Variants in SLC6A9 observed in about 807,000 individuals in gnomAD.
The protein encoded by SLC6A9 is sodium- and chloride-dependent glycine transporter 1.
Under a neutral mutation model 70.9 loss-of-function variants are expected in SLC6A9, and 31 were observed. The observed-to-expected ratio is 0.44, with a 90% CI of 0.33 to 0.59. The LOEUF (loss-of-function observed/expected upper bound fraction) is 0.59. SLC6A9 is among the 20% of genes least tolerant of loss of function. SLC6A9 has a pLI of 0.04. For synonymous variants in SLC6A9, 310 were observed against 341.3 expected, an observed-to-expected ratio of 0.91 and a Z score of 1.01; for missense variants, 631 against 845.2, an observed-to-expected ratio of 0.75 and a Z score of 3.14.
intron 2 of SLC6A9, 96 bp downstream of exon 2, chr1:44,024,152 G>A: frequency 7.7e-7 from 1 of 1,295,426 alleles, no homozygotes; most frequent in South Asian, 1.2e-5. Context: ...CCCTGGCAGT[G>A]CCGGCCTTCC....
intron 2 of SLC6A9, 124 bp from the exon 3 acceptor site, chr1:44,011,006 T>C (rs1452810854): frequency 2.0e-6 from 2 of 992,330 alleles, no homozygotes; most frequent in Non-Finnish European, 3.0e-6. Flanking sequence ...TCCCCTCTGC[T>C]GGCAGGAGCT....
Position 44,008,415 on chromosome 1 carries a change from G to T in SLC6A9, c.528C>A (p.Ser176Arg), listed in dbSNP as rs139332952. Residue 176 changes from serine to arginine, a missense_variant, in exon 5 of 14, where the codon AGC becomes AGA. By Grantham distance (110) the Ser-to-Arg change is moderately radical. Transcript: ENST00000372310. ...TNGSRPAALP[S>R]NLSHLLNHSL... ...TGTGGTTGAGCAGGTGGGAGAGGTT[G>T]CTGGGCAAGGCGGCTGGCCGAGAGC... is the stretch of plus-strand genomic sequence containing the variant. The T allele has an allele frequency of 3.7e-6, 6 of 1,614,024 alleles. No individual in the cohort carries two copies. In the African/African-American group the frequency reaches 8.0e-5, roughly 22 times the overall value.
At chr1:44,014,197 C>T (rs1005969182) in intron 2 of SLC6A9, among the ~76,000 whole-genome samples, 1 of 152,082 alleles carries the variant, frequency 6.6e-6, no homozygotes, top group Non-Finnish European at 1.5e-5. Flanking sequence ...TAAACCATAG[C>T]GGCATGGTTC....
In SLC6A9 at chr1:43,997,559, C is replaced by A. The variant is rs779611274; in HGVS notation, c.1888G>T (p.Asp630Tyr). 1.9e-6 allele frequency: 3 copies of A among 1,613,470 alleles called. No individual in the cohort carries two copies. Among genetic ancestry groups the A allele is most frequent in the Non-Finnish European group, 8.5e-7 (1 of 1,179,936 alleles). The part of the protein sequence containing the change: ...VGSNGSSRLQ[D>Y]SRI ...GGCAGCTGTGCTCATATCCGGGAGT[C>A]CTGGAGGCGGCTGGAGCCATTACTG... The change falls in exon 14 of 14, where the codon GAC becomes TAC. Residue 630 changes from aspartate (D) to tyrosine (Y), a missense_variant. Coordinates refer to ENST00000372310, the MANE Select transcript of SLC6A9 (RefSeq NM_001024845.3). This position sits in a 1 kb window ranked among gnomAD's most constrained non-coding sequence, Gnocchi z 4.4.
At chr1:44,008,069 C>T (rs1056689121) in intron 5 of SLC6A9, among the ~76,000 whole-genome samples, 4 of 152,186 alleles carry the variant, frequency 2.6e-5, no homozygotes, top group East Asian at 3.9e-4. Context: ...AGGGTTTCAC[C>T]GTGTTAGCCA....
intron 2 of SLC6A9, chr1:44,017,368 AACACACACACACAC>A (rs3038812): frequency 2.5e-4 from 211 of 828,372 alleles, no homozygotes; most frequent in African/African-American, 1.8e-3. Flanking sequence ...TAACTGGAAC[AACACACACACACAC>A]ACACACACAC....
intron 2 of SLC6A9, among the ~76,000 whole-genome samples, chr1:44,016,190 AG>A (rs1484577890): frequency 6.6e-6 from 1 of 152,196 alleles, no homozygotes; most frequent in Non-Finnish European, 1.5e-5. Context: ...AGACAAGCCC[AG>A]GAGGGAAGAC....
In SLC6A9 at chr1:44,024,274, C is replaced by A; in HGVS notation, c.4G>T (p.Val2Leu). MVGKGAKGMLNG... is the reference protein window; with the variant it reads MLGKGAKGMLNG... ...AGCATCCCTTTGGCACCTTTTCCTA[C>A]CATGGCGGCGGTGGGTTGGGGCTCT... The change falls in exon 2 of 14, where the codon GTA (valine) becomes TTA (leucine). Residue 2 changes from valine (V) to leucine (L), a missense_variant. Coordinates refer to ENST00000372310, the MANE Select transcript of SLC6A9 (RefSeq NM_001024845.3). The A allele has an allele frequency of 6.2e-7, 1 of 1,614,240 alleles. No individual in the cohort carries two copies. The highest frequency in any genetic ancestry group is 8.5e-7 in the Non-Finnish European group (1 of 1,180,034).
At chr1:44,006,542 G>A (rs927019313) in intron 5 of SLC6A9, among the ~76,000 whole-genome samples, 37 of 134,738 alleles carry the variant, frequency 2.7e-4, no homozygotes, top group Non-Finnish European at 4.1e-4. Context: ...AGCTGAGATC[G>A]TGCCACTGCA....
chr1:44,017,202 C>G, intron 2 of SLC6A9: 3 of 1,561,976 alleles, frequency 1.9e-6, no homozygotes, highest in Non-Finnish European at 2.6e-6. Flanking sequence ...GGCTGGGCAG[C>G]GTCAATTACT....
intron 1 of SLC6A9, among the ~76,000 whole-genome samples, chr1:44,025,360 A>G (rs983359401): frequency 6.6e-6 from 1 of 152,104 alleles, no homozygotes; most frequent in African/African-American, 2.4e-5. Context: ...GCTGGTGCAC[A>G]CTGGATTAAT....
At chr1:44,011,825 G>A (rs2086582976) in intron 2 of SLC6A9, 1 of 1,155,208 alleles carries the variant, frequency 8.7e-7, no homozygotes, top group Non-Finnish European at 1.3e-6. Context: ...GGGCCCCACT[G>A]AGGACAGCCC....
intron 2 of SLC6A9, among the ~76,000 whole-genome samples, chr1:44,021,888 A>T (rs1261955323): frequency 6.6e-6 from 1 of 152,238 alleles, no homozygotes; most frequent in Non-Finnish European, 1.5e-5. Flanking sequence ...TTCAGTCCCA[A>T]ACTGGAACCC....
chr1:44,023,764 C>T (rs1425564309), intron 2 of SLC6A9, among the ~76,000 whole-genome samples: 4 of 152,122 alleles, frequency 2.6e-5, no homozygotes, highest in Non-Finnish European at 4.4e-5. Flanking sequence ...AGGCTGAGGG[C>T]AAAGAAGAGC....
At chr1:44,026,168 A>T (rs1342394624) in intron 1 of SLC6A9, among the ~76,000 whole-genome samples, 1 of 152,206 alleles carries the variant, frequency 6.6e-6, no homozygotes, top group Non-Finnish European at 1.5e-5. Context: ...GTTCCTGCTC[A>T]TGGCTTTGGT....
rs1571834683 is a variant in SLC6A9 at position 43,997,973 on chromosome 1, T to G, written c.1589A>C (p.Tyr530Ser). The change falls in exon 13 of 14, where the codon TAC becomes TCC. Residue 530 changes from tyrosine (Y) to serine (S), a missense_variant. Tyr to Ser is a moderately radical substitution (Grantham distance 144). Coordinates refer to ENST00000372310, the MANE Select transcript of SLC6A9 (RefSeq NM_001024845.3). This position sits in a 1 kb window ranked among gnomAD's most constrained non-coding sequence, Gnocchi z 4.4. ...IQYQPITYNH[Y>S]QYPGWAVAIG... ...GGCCACGGCCCAGCCTGGGTACTGGTAGTGGTTGTAGGTGATCGGCTGGTA... is the reference window on the plus strand; with the variant it reads ...GGCCACGGCCCAGCCTGGGTACTGGGAGTGGTTGTAGGTGATCGGCTGGTA... 6.2e-7 allele frequency: 1 copy of G among 1,613,732 alleles called. No individual in the cohort carries two copies. Among genetic ancestry groups the G allele is most frequent in the South Asian group, 1.1e-5 (1 of 91,072 alleles).
chr1:44,002,727 A>T lies in SLC6A9; in HGVS notation c.724-81T>A. ...CCACCCTGGCTCCCTAATCACCACC[A>T]GCCCCCTGGTCCCTCTCCGGCTCCG... On this transcript the variant is annotated intron_variant, in intron 6 of 13. Coordinates refer to ENST00000372310, the MANE Select transcript of SLC6A9 (RefSeq NM_001024845.3). The surrounding 1 kb of genome is among the most constrained non-coding windows in gnomAD (Gnocchi z 5.5). 6.3e-7 allele frequency: 1 copy of T among 1,598,014 alleles called. No homozygotes were observed. Among genetic ancestry groups the T allele is most frequent in the African/African-American group, 1.3e-5 (1 of 74,564 alleles).
intron 2 of SLC6A9, chr1:44,015,845 G>C: frequency 1.0e-6 from 1 of 985,266 alleles, no homozygotes; most frequent in Non-Finnish European, 1.2e-6. Context: ...CCGGGGTGGA[G>C]GGGCAGAACA....
chr1:43,998,078 C>G, intron 12 of SLC6A9, 53 bp from the exon 13 acceptor site: 2 of 1,493,010 alleles, frequency 1.3e-6, no homozygotes, highest in South Asian at 1.3e-5. Flanking sequence ...AGCCCAGACC[C>G]CAGGCCATCC....
Sources: gnomAD v4.1 joint callset for allele counts (sites outside exome capture counted in the v4.1 genomes callset) on GRCh38, gnomAD v4.1.1 for gene constraint, Gnocchi (gnomAD v3.1) non-coding constraint, MANE v1.5 for transcripts, NCBI Gene and HGNC (gene_info 2026-07-23, HGNC 2026-07-21) for gene names.